The following CA10 variants were observed in gnomAD, a reference collection of about 807,000 sequenced individuals.
CA10 encodes the protein carbonic anhydrase-related protein 10.
Under a neutral mutation model 44.2 loss-of-function variants are expected in CA10, and 14 were observed. The ratio of observed to expected loss-of-function variants is 0.32; its 90% CI spans 0.21 to 0.50. The LOEUF (loss-of-function observed/expected upper bound fraction) is 0.50, where lower values mean the gene tolerates loss of function less well. Ranked by LOEUF, CA10 falls within the 20% of genes least tolerant of loss-of-function variation. The pLI, the probability that CA10 is intolerant of heterozygous loss-of-function variation, is 0.99. For missense variants in CA10, 350 were observed against 409.7 expected, an observed-to-expected ratio of 0.85 and a Z score of 1.26; for synonymous variants, 159 against 141.6, an observed-to-expected ratio of 1.12 and a Z score of -0.87.
intron 3 of CA10, among the ~76,000 whole-genome samples, chr17:51,784,273 C>T (rs1906174253): frequency 6.6e-6 from 1 of 152,078 alleles, no homozygotes; most frequent in Non-Finnish European, 1.5e-5. Flanking sequence ...CAGGAAGGAG[C>T]ACGCCATCCA....
chr17:52,085,703 T>G (rs1362498571), intron 1 of CA10, among the ~76,000 whole-genome samples: 1 of 152,200 alleles, frequency 6.6e-6, no homozygotes, highest in East Asian at 1.9e-4. Flanking sequence ...AATAACCTCT[T>G]CATGAGATTG....
chr17:52,104,444 C>T (rs148110356), intron 1 of CA10, among the ~76,000 whole-genome samples: 48 of 152,206 alleles, frequency 3.2e-4, no homozygotes, highest in African/African-American at 1.1e-3. Context: ...GCTCAAGCAA[C>T]CCGCCTGCCT....
At chr17:51,935,271 A>G (rs1982821420) in intron 2 of CA10, among the ~76,000 whole-genome samples, 1 of 152,140 alleles carries the variant, frequency 6.6e-6, no homozygotes, top group Admixed American at 6.5e-5. Flanking sequence ...TTCCATGGCT[A>G]TCCTCCAAAA....
chr17:51,725,675 C>T (rs890230634), intron 4 of CA10, among the ~76,000 whole-genome samples: 2 of 152,164 alleles, frequency 1.3e-5, no homozygotes, highest in Non-Finnish European at 2.9e-5. Context: ...TGAGAGAGAC[C>T]CTTTTTCTCT....
At chr17:51,649,297 G>A (rs764525562) in intron 5 of CA10, 43 bp from the exon 6 acceptor site, 2 of 1,384,146 alleles carry the variant, frequency 1.4e-6, no homozygotes, top group African/African-American at 1.4e-5. Flanking sequence ...CATCACTCTT[G>A]CAGGACAAAC....
chr17:51,674,546 G>T (rs1462032824), intron 4 of CA10, among the ~76,000 whole-genome samples: 1 of 152,102 alleles, frequency 6.6e-6, no homozygotes, highest in African/African-American at 2.4e-5. Context: ...TTTCCCAGAG[G>T]CATATATAGA....
intron 3 of CA10, among the ~76,000 whole-genome samples, chr17:51,750,753 T>C (rs959150029): frequency 6.6e-6 from 1 of 152,248 alleles, no homozygotes; most frequent in African/African-American, 2.4e-5. Flanking sequence ...TTCTGTGGTA[T>C]AAAAGGCAAC....
At chr17:51,845,059 T>C (rs1978429127) in intron 3 of CA10, among the ~76,000 whole-genome samples, 1 of 152,024 alleles carries the variant, frequency 6.6e-6, no homozygotes, top group South Asian at 2.1e-4. Context: ...ATGCCAAGGA[T>C]TGATGGTGGC....
At chr17:51,656,209 T>C (rs1913786766) in intron 4 of CA10, among the ~76,000 whole-genome samples, 1 of 152,182 alleles carries the variant, frequency 6.6e-6, no homozygotes, top group Admixed American at 6.5e-5. Flanking sequence ...TTAAAGCATG[T>C]TCTGAACAGA....
At chr17:52,095,458 T>A (rs180763570) in intron 1 of CA10, among the ~76,000 whole-genome samples, 6 of 152,212 alleles carry the variant, frequency 3.9e-5, no homozygotes, top group Admixed American at 3.9e-4. Flanking sequence ...GATTTGTGCA[T>A]TTTATATGTT....
chr17:52,103,933 G>C (rs1015431442), intron 1 of CA10, among the ~76,000 whole-genome samples: 1 of 152,192 alleles, frequency 6.6e-6, no homozygotes, highest in African/African-American at 2.4e-5. Flanking sequence ...TCGGGCTTTG[G>C]AGCCAGACTG....
At chr17:51,684,033 T>G (rs1222536724) in intron 4 of CA10, among the ~76,000 whole-genome samples, 7 of 152,192 alleles carry the variant, frequency 4.6e-5, no homozygotes, top group Non-Finnish European at 1.0e-4. Flanking sequence ...AAAATAACTT[T>G]GCAGATGTGA....
At chr17:51,993,902 T>C (rs965184883) in intron 2 of CA10, among the ~76,000 whole-genome samples, 1 of 152,070 alleles carries the variant, frequency 6.6e-6, no homozygotes, top group Non-Finnish European at 1.5e-5. Context: ...AAGTGCCAGA[T>C]GCTGTGATGG....
chr17:51,821,911 G>T (rs1174342885), intron 3 of CA10, among the ~76,000 whole-genome samples: 1 of 152,158 alleles, frequency 6.6e-6, no homozygotes, highest in African/African-American at 2.4e-5. Context: ...TTTCTCATTT[G>T]TAAAATGGGC....
chr17:52,079,551 G>A (rs1987911024), intron 1 of CA10, among the ~76,000 whole-genome samples: 2 of 152,126 alleles, frequency 1.3e-5, no homozygotes, highest in Admixed American at 6.5e-5. Context: ...ACGTGGTAGT[G>A]AAGTTGTATA....
At chr17:52,091,591 A>G (rs1440795071) in intron 1 of CA10, among the ~76,000 whole-genome samples, 1 of 152,198 alleles carries the variant, frequency 6.6e-6, no homozygotes, top group Non-Finnish European at 1.5e-5. Context: ...ATACATGTTA[A>G]ATCAGAGAAA....
chr17:51,836,971 G>A (rs1908501468), intron 3 of CA10, among the ~76,000 whole-genome samples: 2 of 152,122 alleles, frequency 1.3e-5, no homozygotes, highest in Admixed American at 6.6e-5. Flanking sequence ...ATGAAGGAGG[G>A]AAAGGGGGTG....
At chr17:51,994,445 A>G (rs1985156316) in intron 2 of CA10, among the ~76,000 whole-genome samples, 1 of 152,010 alleles carries the variant, frequency 6.6e-6, no homozygotes, top group Non-Finnish European at 1.5e-5. Flanking sequence ...TAATATAAGG[A>G]GTTTTGGGCA....
At chr17:51,700,905 C>A (rs116574452) in intron 4 of CA10, among the ~76,000 whole-genome samples, 3 of 151,958 alleles carry the variant, frequency 2.0e-5, no homozygotes, top group African/African-American at 4.8e-5. Context: ...CCACACACCC[C>A]GGGGCCTATG....
Sources: allele counts gnomAD v4.1 joint callset (sites outside exome capture counted in the v4.1 genomes callset), GRCh38; gene constraint gnomAD v4.1.1; transcripts MANE v1.5; gene names NCBI Gene and HGNC (gene_info 2026-07-23, HGNC 2026-07-21).